RIC1: variants seen among roughly 807,000 people sequenced by gnomAD.
RIC1 encodes RIC1 partner of RAB6A GEF complex.
A neutral mutation model predicts 169.0 loss-of-function variants in RIC1; 88 were observed. That is an observed-to-expected ratio of 0.52 (90% confidence interval 0.44 to 0.62). RIC1 has a LOEUF of 0.62. Among genes scored for constraint, RIC1 ranks in the 20% least tolerant of loss-of-function variants. RIC1 has a pLI of 0.00. For missense variants in RIC1, 1,877 were observed against 1,725.5 expected (o/e 1.09, Z -1.56); for synonymous variants, 790 against 601.5 (o/e 1.31, Z -4.59).
intron 2 of RIC1, among the ~76,000 whole-genome samples, chr9:5,669,228 T>C (rs1272552905): frequency 6.6e-6 from 1 of 152,192 alleles, no homozygotes; most frequent in African/African-American, 2.4e-5. Context: ...GGTGCACCCA[T>C]CACCCAAGCA....
chr9:5,762,007 C>G (rs944566123), intron 17 of RIC1, among the ~76,000 whole-genome samples: 1 of 152,168 alleles, frequency 6.6e-6, no homozygotes, highest in Non-Finnish European at 1.5e-5. Flanking sequence ...TGGCTTCTTT[C>G]CTGCTGCTCT....
chr9:5,642,573 G>C (rs1238405606), intron 1 of RIC1, among the ~76,000 whole-genome samples: 7 of 144,678 alleles, frequency 4.8e-5, no homozygotes, highest in African/African-American at 1.4e-4. Context: ...TTGATATTCT[G>C]TTCTGTTGTG....
chr9:5,763,563 C>G lies in RIC1; in HGVS notation c.2536C>G (p.Leu846Val), dbSNP rs1245207440. 29 of 1,614,038 alleles carry G rather than the reference C, an allele frequency of 1.8e-5. No individual in the cohort carries two copies. Among genetic ancestry groups the G allele is most frequent in the Non-Finnish European group, 2.4e-5 (28 of 1,180,026 alleles). ...LVRNLGEQALLLAQSCATLPY... is the reference protein window; with the variant it reads ...LVRNLGEQALVLAQSCATLPY... ...CAGAAACCTTGGGGAGCAAGCCTTG[C>G]TCTTGGCCCAGTCCTGTGCCACATT... is the stretch of plus-strand genomic sequence containing the variant. The change falls in exon 19 of 26, where the codon CTC (leucine) becomes GTC (valine). Residue 846 changes from leucine to valine, a missense_variant. Transcript: ENST00000414202. This position sits in a 1 kb window ranked among gnomAD's most constrained non-coding sequence, Gnocchi z 5.2.
chr9:5,660,804 C>T (rs949039716), intron 2 of RIC1, among the ~76,000 whole-genome samples: 3 of 151,990 alleles, frequency 2.0e-5, no homozygotes, highest in African/African-American at 7.2e-5. Context: ...TGTTGTTTAT[C>T]TGCTCACTCC....
Position 5,765,696 on chromosome 9 carries a change from G to A in RIC1, c.3035G>A (p.Arg1012Lys). Reference sequence around the variant, plus strand: ...TCAAGTGGTGGATTTGAGTTCTTCAGGAATCGAAGCATCAGTTTATCCCAG... The same window carrying A: ...TCAAGTGGTGGATTTGAGTTCTTCAAGAATCGAAGCATCAGTTTATCCCAG... ...PSSSGGFEFFRNRSISLSQSA... is the reference protein window; with the variant it reads ...PSSSGGFEFFKNRSISLSQSA... Residue 1012 changes from arginine (R) to lysine (K), a missense_variant, in exon 21 of 26, where the codon AGG becomes AAG. Arg to Lys is a conservative substitution (Grantham distance 26, BLOSUM62 2). Around this residue, in one of 3 missense-constraint regions of RIC1, gnomAD observed 681 missense variants for 582.0 expected, o/e 1.17. Transcript: ENST00000414202. 6.2e-7 allele frequency: 1 copy of A among 1,614,156 alleles called. No individual in the cohort carries two copies. The highest frequency in any genetic ancestry group is 8.5e-7 in the Non-Finnish European group (1 of 1,180,002).
intron 2 of RIC1, among the ~76,000 whole-genome samples, chr9:5,667,420 C>G (rs1048767319): frequency 1.3e-5 from 2 of 151,424 alleles, no homozygotes; most frequent in Admixed American, 1.3e-4. Context: ...CTTCTGCTAG[C>G]TTCGGGATTA....
intron 11 of RIC1, 86 bp from the exon 12 acceptor site, chr9:5,747,216 C>T (rs1389602997): frequency 1.1e-4 from 108 of 959,440 alleles, no homozygotes; most frequent in Middle Eastern, 2.1e-4. Context: ...AAAACTAAAT[C>T]GATGTGTTAT....
At chr9:5,672,284 A>T (rs1211802846) in intron 2 of RIC1, among the ~76,000 whole-genome samples, 2 of 152,248 alleles carry the variant, frequency 1.3e-5, no homozygotes. Flanking sequence ...TTTACGATGT[A>T]AGACCAAACT....
intron 3 of RIC1, among the ~76,000 whole-genome samples, chr9:5,704,067 C>A (rs1325186726): frequency 6.6e-6 from 1 of 151,552 alleles, no homozygotes; most frequent in Non-Finnish European, 1.5e-5. Context: ...ATATTAGGGT[C>A]ATCCCAATGA....
At chr9:5,760,976 G>A (rs58126160) in intron 17 of RIC1, among the ~76,000 whole-genome samples, 22,110 of 151,886 alleles carry the variant, frequency 0.15, 4,355 homozygotes, top group African/African-American at 0.45. Flanking sequence ...TATATAGCAT[G>A]TATAGCATTG....
intron 1 of RIC1, among the ~76,000 whole-genome samples, chr9:5,655,746 G>A (rs1819059470): frequency 6.6e-6 from 1 of 152,114 alleles, no homozygotes; most frequent in African/African-American, 2.4e-5. Context: ...TTGTATTTCT[G>A]GGGTATATCG....
Position 5,720,636 on chromosome 9 carries a change from A to G in RIC1, c.606A>G (p.Thr202=). ...CAGTAGGTTCATTCCTGGGCTTCAC[A>G]GACGTACACATCAGAGACATGGAAT... ...SSRVGSFLGF[T]DVHIRDMEYC... is the part of the protein sequence containing the mutation. The change falls in exon 6 of 26, where the codon ACA becomes ACG. Residue 202 remains threonine (T), a synonymous_variant. Coordinates refer to ENST00000414202, the MANE Select transcript of RIC1 (RefSeq NM_020829.4). 1 of 1,605,020 alleles carries G rather than the reference A, an allele frequency of 6.2e-7. No homozygotes were observed. Among genetic ancestry groups the G allele is most frequent in the South Asian group, 1.1e-5 (1 of 88,660 alleles).
At chr9:5,652,356 T>A (rs1818851711) in intron 1 of RIC1, among the ~76,000 whole-genome samples, 1 of 152,224 alleles carries the variant, frequency 6.6e-6, no homozygotes, top group Admixed American at 6.5e-5. Flanking sequence ...GGGATATCTT[T>A]CCATGTATTT....
intron 15 of RIC1, 62 bp downstream of exon 15, chr9:5,754,992 AT>A: frequency 9.9e-7 from 1 of 1,014,896 alleles, no homozygotes; most frequent in Non-Finnish European, 1.4e-6. Flanking sequence ...GCATGAATTA[AT>A]TTTATATAGA....
intron 1 of RIC1, among the ~76,000 whole-genome samples, chr9:5,645,178 C>G (rs1461483561): frequency 6.6e-6 from 1 of 152,042 alleles, no homozygotes; most frequent in African/African-American, 2.4e-5. Context: ...CCCAGCCTCC[C>G]TAGTAGCTGG....
chr9:5,674,269 A>G (rs554910046), intron 2 of RIC1, among the ~76,000 whole-genome samples: 2 of 152,282 alleles, frequency 1.3e-5, no homozygotes, highest in Admixed American at 6.5e-5. Context: ...ATAAAAAAAA[A>G]ATTTAACAAA....
chr9:5,776,787 A>C (rs1272900850), downstream of RIC1, among the ~76,000 whole-genome samples: 9 of 152,092 alleles, frequency 5.9e-5, no homozygotes, highest in Admixed American at 5.9e-4. Context: ...AAATGTTCAA[A>C]ATATAATGAA....
At chr9:5,649,319 T>C (rs187588592) in intron 1 of RIC1, among the ~76,000 whole-genome samples, 1 of 152,326 alleles carries the variant, frequency 6.6e-6, no homozygotes, top group East Asian at 1.9e-4. Flanking sequence ...GTCTTTGCCT[T>C]CTGTAACACC....
At chr9:5,657,715 T>A (rs1819184244) in intron 2 of RIC1, among the ~76,000 whole-genome samples, 1 of 152,180 alleles carries the variant, frequency 6.6e-6, no homozygotes, top group African/African-American at 2.4e-5. Flanking sequence ...TGAAAAATAC[T>A]GAGTAGTTCT....
Sources: allele counts gnomAD v4.1 joint callset (sites outside exome capture counted in the v4.1 genomes callset), GRCh38; gene constraint gnomAD v4.1.1; regional missense constraint gnomAD v4.1.1; non-coding constraint Gnocchi (gnomAD v3.1); transcripts MANE v1.5; gene names NCBI Gene and HGNC (gene_info 2026-07-23, HGNC 2026-07-21).